STPG1: variants seen among roughly 807,000 people sequenced by gnomAD.
STPG1 encodes sperm tail PG-rich repeat containing 1, also known as O(6)-methylguanine-induced apoptosis 2.
Under a neutral mutation model 40.1 loss-of-function variants are expected in STPG1, and 33 were observed. The observed-to-expected ratio is 0.82, with a 90% confidence interval of 0.62 to 1.10. STPG1 has a LOEUF of 1.10. STPG1 is among the 50% of genes least tolerant of loss of function. The probability of loss-of-function intolerance (pLI) is 0.00; values close to 1 mark genes in which losing one functional copy is unlikely to be tolerated. For missense variants in STPG1, 396 were observed against 415.1 expected, an observed-to-expected ratio of 0.95 and a Z score of 0.40; for synonymous variants, 150 against 155.0, an observed-to-expected ratio of 0.97 and a Z score of 0.24.
chr1:24,361,628 G>A (rs1436659380), intron 7 of STPG1, among the ~76,000 whole-genome samples: 1 of 152,138 alleles, frequency 6.6e-6, no homozygotes, highest in Non-Finnish European at 1.5e-5. Context: ...TCCTGGGGAG[G>A]CAGGAGGCAG....
intron 2 of STPG1, among the ~76,000 whole-genome samples, chr1:24,392,854 G>T (rs1388685732): frequency 1.0e-5 from 1 of 98,248 alleles, no homozygotes. Context: ...GCGCAGAAAT[G>T]GGGGAAAAAA....
chr1:24,383,456 G>A (rs1157104493), intron 4 of STPG1, among the ~76,000 whole-genome samples: 2 of 152,162 alleles, frequency 1.3e-5, no homozygotes, highest in African/African-American at 4.8e-5. Flanking sequence ...AAGGAAAGGG[G>A]TGGGGCCAGT....
At chr1:24,364,391 G>A in intron 7 of STPG1, 2 of 1,522,764 alleles carry the variant, frequency 1.3e-6, no homozygotes, top group Non-Finnish European at 8.8e-7. Context: ...CTGGAGGAGA[G>A]GTGGAAGGAC....
At position 24,399,188 on chromosome 1, in the gene STPG1, C is replaced by T. The variant is rs1643122278; in HGVS notation, c.70+2131G>A. ...GTACAAAGTTGAAGGGCTTATGCTA[C>T]TAAAGAGTTATTATAAAGTTACAGT... On this transcript the variant is annotated intron_variant, in intron 2 of 8. Coordinates refer to ENST00000337248, the MANE Select transcript of STPG1 (RefSeq NM_001199013.2). This position sits in a 1 kb window ranked among gnomAD's most constrained non-coding sequence, Gnocchi z 4.0. 6.6e-6 allele frequency among the ~76,000 whole-genome samples: 1 copy of T among 152,194 alleles called. No homozygotes were observed. Among genetic ancestry groups the T allele is most frequent in the South Asian group, 2.1e-4 (1 of 4,820 alleles).
intron 3 of STPG1, among the ~76,000 whole-genome samples, chr1:24,386,337 T>C (rs1393481330): frequency 6.6e-6 from 1 of 152,246 alleles, no homozygotes; most frequent in African/African-American, 2.4e-5. Flanking sequence ...AAGAAGGCTG[T>C]TACCACTTAG....
intron 7 of STPG1, chr1:24,369,416 T>C (rs1406581341): frequency 3.3e-6 from 2 of 610,958 alleles, no homozygotes; most frequent in Non-Finnish European, 6.3e-6. Flanking sequence ...CTCTATGGGG[T>C]AAGAGTAACA....
At chr1:24,370,776 C>T (rs1049363786) in intron 6 of STPG1, among the ~76,000 whole-genome samples, 4 of 147,110 alleles carry the variant, frequency 2.7e-5, no homozygotes, top group African/African-American at 7.6e-5. Context: ...TAGGCGTGAG[C>T]CACTGTGCCC....
At chr1:24,389,336 C>T (rs897446570) in intron 3 of STPG1, among the ~76,000 whole-genome samples, 2 of 152,018 alleles carry the variant, frequency 1.3e-5, no homozygotes, top group African/African-American at 4.8e-5. Flanking sequence ...TTGCTAAGGC[C>T]TTTTCAGAAA....
Position 24,359,459 on chromosome 1 carries a change from T to G in STPG1, c.929-840A>C, listed in dbSNP as rs1021985105. On this transcript the variant is annotated intron_variant, in intron 8 of 8. Transcript: ENST00000337248. The surrounding 1 kb of genome is among the most constrained non-coding windows in gnomAD (Gnocchi z 5.3). Reference sequence around the variant, plus strand: ...GCTGAGTTCTCCTCGACTGACTAGATGAGCCCCAGATCAAACCTCTACAGC... The same window carrying G: ...GCTGAGTTCTCCTCGACTGACTAGAGGAGCCCCAGATCAAACCTCTACAGC... Among the ~76,000 whole-genome samples, 3 of 152,204 alleles carry G rather than the reference T, an allele frequency of 2.0e-5. No individual in the cohort carries two copies. The East Asian group carries it at 5.8e-4, about 29-fold the overall frequency.
In STPG1 at chr1:24,373,740, C is replaced by T. The variant is rs765665689; in HGVS notation, c.533G>A (p.Arg178Lys). 3 of 1,612,652 alleles carry T rather than the reference C, an allele frequency of 1.9e-6. No individual in the cohort carries two copies. The highest frequency in any genetic ancestry group is 2.2e-5 in the South Asian group (2 of 91,032). The change falls in exon 6 of 9, where the codon AGA becomes AAA. Residue 178 changes from arginine to lysine, a missense_variant. Transcript: ENST00000337248. ...TRAGFMSKTQRGSFAFADKGP... is the reference protein window; with the variant it reads ...TRAGFMSKTQKGSFAFADKGP... ...TTTATCAGCAAAAGCGAAAGATCCT[C>T]TTTGGGTTTTTGACATAAACCCGGC...
At chr1:24,376,358 G>A (rs1642026479) in intron 5 of STPG1, among the ~76,000 whole-genome samples, 2 of 152,296 alleles carry the variant, frequency 1.3e-5, no homozygotes, top group African/African-American at 4.8e-5. Context: ...CCCTTGGGAA[G>A]TAGAATTATA....
chr1:24,374,714 TC>T (rs1386417596), intron 5 of STPG1, among the ~76,000 whole-genome samples: 1 of 152,070 alleles, frequency 6.6e-6, no homozygotes, highest in African/African-American at 2.4e-5. Flanking sequence ...AACCTCTGCC[TC>T]CCGGGCTTAA....
Position 24,399,537 on chromosome 1 carries a change from A to T in STPG1, c.70+1782T>A, listed in dbSNP as rs936076466. 1.3e-5 allele frequency among the ~76,000 whole-genome samples: 2 copies of T among 152,280 alleles called. No individual in the cohort carries two copies. Among genetic ancestry groups the T allele is most frequent in the Non-Finnish European group, 2.9e-5 (2 of 68,014 alleles). The stretch of plus-strand genomic sequence containing the variant: ...TACACTAAACATAAAGAGACTGATA[A>T]ATTGGGCTATATTAAAATCAAGAGT... On this transcript the variant is annotated intron_variant, in intron 2 of 8. Coordinates refer to ENST00000337248, the MANE Select transcript of STPG1 (RefSeq NM_001199013.2). The surrounding 1 kb of genome is among the most constrained non-coding windows in gnomAD (Gnocchi z 4.0).
At chr1:24,364,334 C>G in intron 7 of STPG1, 1 of 1,548,846 alleles carries the variant, frequency 6.5e-7, no homozygotes, top group Non-Finnish European at 8.7e-7. Flanking sequence ...AGCCCCACCA[C>G]CGTCAACAGC....
chr1:24,364,795 A>C (rs1434977513), intron 7 of STPG1, among the ~76,000 whole-genome samples: 1 of 152,230 alleles, frequency 6.6e-6, no homozygotes, highest in Non-Finnish European at 1.5e-5. Flanking sequence ...TATAAAAGCC[A>C]ACCTGGCCCT....
rs112599900 is a variant in STPG1 at position 24,383,121 on chromosome 1, C to T, written c.291+781G>A. Among the ~76,000 whole-genome samples, 272 of 152,056 alleles carry T rather than the reference C, an allele frequency of 1.8e-3. 1 individual carries two copies. The highest frequency in any genetic ancestry group is 6.1e-3 in the African/African-American group (253 of 41,454). On this transcript the variant is annotated intron_variant, in intron 4 of 8. Coordinates refer to ENST00000337248, the MANE Select transcript of STPG1 (RefSeq NM_001199013.2). ...AGAGATGGGGTCTCACTATGTTGCC[C>T]GAGCTGGTCTTGAACTCCTGGGCTT...
chr1:24,378,055 G>A (rs1035781715), intron 5 of STPG1, among the ~76,000 whole-genome samples: 7 of 150,584 alleles, frequency 4.6e-5, no homozygotes, highest in African/African-American at 1.8e-4. Context: ...TGATTATGCC[G>A]AGGGAAGACT....
At chr1:24,407,775 C>G (rs1357744564) in intron 1 of STPG1, among the ~76,000 whole-genome samples, 1 of 152,118 alleles carries the variant, frequency 6.6e-6, no homozygotes, top group Non-Finnish European at 1.5e-5. Context: ...GCTGCAAATC[C>G]CATCCATTGC....
At chr1:24,385,432 G>A (rs1432363828) in intron 3 of STPG1, among the ~76,000 whole-genome samples, 3 of 152,130 alleles carry the variant, frequency 2.0e-5, no homozygotes, top group Non-Finnish European at 2.9e-5. Context: ...ACCCCAGGCC[G>A]AGAGCCCAGG....
Sources: gnomAD v4.1 joint callset for allele counts (sites outside exome capture counted in the v4.1 genomes callset) on GRCh38, gnomAD v4.1.1 for gene constraint, Gnocchi (gnomAD v3.1) non-coding constraint, MANE v1.5 for transcripts, NCBI Gene and HGNC (gene_info 2026-07-23, HGNC 2026-07-21) for gene names.